CHRM3: variants seen among roughly 807,000 people sequenced by gnomAD.
CHRM3 encodes the protein muscarinic acetylcholine receptor M3.
In CHRM3, 11 loss-of-function variants were observed where a neutral mutation model predicts 41.8. That is an observed-to-expected ratio of 0.26 (90% CI 0.17 to 0.44). The LOEUF (loss-of-function observed/expected upper bound fraction) is 0.44. CHRM3 is among the 20% of genes least tolerant of loss of function. CHRM3 has a pLI of 1.00. For synonymous variants in CHRM3, 297 were observed against 301.4 expected, an observed-to-expected ratio of 0.99 and a Z score of 0.15; for missense variants, 571 against 745.4, an observed-to-expected ratio of 0.77 and a Z score of 2.72.
chr1:239,651,439 G>A (rs1188394043), intron 4 of CHRM3, among the ~76,000 whole-genome samples: 2 of 152,202 alleles, frequency 1.3e-5, no homozygotes, highest in Non-Finnish European at 2.9e-5. Flanking sequence ...AACAAGGAAG[G>A]CATGATTTAA....
intron 6 of CHRM3, among the ~76,000 whole-genome samples, chr1:239,848,548 T>C (rs1674458331): frequency 6.6e-6 from 1 of 152,146 alleles, no homozygotes; most frequent in Non-Finnish European, 1.5e-5. Flanking sequence ...CACTTTATCC[T>C]CATATTTTAT....
rs1680349162 is a variant in CHRM3 at position 239,911,228 on chromosome 1, T to C, written c.*2004T>C. 1 of 166,784 alleles carries C rather than the reference T, an allele frequency of 6.0e-6. No homozygotes were observed. Among genetic ancestry groups the C allele is most frequent in the Non-Finnish European group, 1.5e-5 (1 of 68,122 alleles). The allele number at this position is 166,784 out of a possible 1,614,324, so 10.3% of individuals were successfully genotyped here. A position where few individuals can be genotyped will look rare whatever the true frequency, so the allele number is the denominator to read the frequency against. ...ATGGGAACTGAACAAAGCTCCACCA[T>C]TGTGTCTGAAATCATTTTACACAGG... On this transcript the variant is annotated 3_prime_UTR_variant, in exon 7 of 7. Transcript: ENST00000676153.
At chr1:239,656,750 T>C (rs1304931196) in intron 4 of CHRM3, among the ~76,000 whole-genome samples, 1 of 152,186 alleles carries the variant, frequency 6.6e-6, no homozygotes, top group African/African-American at 2.4e-5. Context: ...ATATTACTTA[T>C]ACGAGTTAAC....
At chr1:239,429,270 A>G (rs1242836461) in intron 1 of CHRM3, among the ~76,000 whole-genome samples, 1 of 152,188 alleles carries the variant, frequency 6.6e-6, no homozygotes, top group Non-Finnish European at 1.5e-5. Context: ...CGCCTGTCAA[A>G]TGAATATAGT....
intron 2 of CHRM3, among the ~76,000 whole-genome samples, chr1:239,528,924 G>A (rs894148381): frequency 6.6e-6 from 1 of 152,126 alleles, no homozygotes; most frequent in Non-Finnish European, 1.5e-5. Context: ...AAGAATTTAG[G>A]ATAGAGACAG....
At chr1:239,842,729 C>A (rs1028693355) in intron 6 of CHRM3, among the ~76,000 whole-genome samples, 2 of 152,174 alleles carry the variant, frequency 1.3e-5, no homozygotes, top group Non-Finnish European at 2.9e-5. Context: ...CCAACATACA[C>A]ACACATGCAT....
At chr1:239,635,568 A>T (rs1263985061) in intron 4 of CHRM3, among the ~76,000 whole-genome samples, 3 of 152,216 alleles carry the variant, frequency 2.0e-5, no homozygotes, top group African/African-American at 7.2e-5. Flanking sequence ...ACTGTCCTGG[A>T]CACCCAGGTT....
intron 5 of CHRM3, among the ~76,000 whole-genome samples, chr1:239,707,988 C>A (rs1378444749): frequency 6.6e-6 from 1 of 152,208 alleles, no homozygotes; most frequent in African/African-American, 2.4e-5. Context: ...TGTTAAACAA[C>A]TACTGTGGAA....
chr1:239,861,438 G>A (rs2149272224), intron 6 of CHRM3, among the ~76,000 whole-genome samples: 1 of 152,168 alleles, frequency 6.6e-6, no homozygotes, highest in East Asian at 1.9e-4. Flanking sequence ...AGTACAAGCA[G>A]ACGATATGGT....
At position 239,621,946 on chromosome 1, in the gene CHRM3, G is replaced by T. The variant is rs149709271; in HGVS notation, c.-312-10278G>T. On this transcript the variant is annotated intron_variant, in intron 3 of 6. Coordinates refer to ENST00000676153, the MANE Select transcript of CHRM3 (RefSeq NM_001375978.1). The stretch of plus-strand genomic sequence containing the variant: ...AAGGCCTGGCTTTAAAGTTTCAAAG[G>T]ACAGGCTGACTTCCTTATTAGGAGC... Among the ~76,000 whole-genome samples the T allele has an allele frequency of 2.0e-5, 3 of 152,154 alleles. No homozygotes were observed. The East Asian group carries it at 5.8e-4, about 29-fold the overall frequency.
At chr1:239,899,276 AGT>A (rs71168861) in intron 6 of CHRM3, among the ~76,000 whole-genome samples, 1,904 of 134,592 alleles carry the variant, frequency 0.014, 35 homozygotes, top group African/African-American at 0.044. Context: ...TTTTGAACTC[AGT>A]GTGTGTGTGT....
At chr1:239,836,029 A>G (rs999998266) in intron 6 of CHRM3, among the ~76,000 whole-genome samples, 26 of 152,380 alleles carry the variant, frequency 1.7e-4, no homozygotes, top group African/African-American at 6.0e-4. Flanking sequence ...ATGTGTGTGC[A>G]GCACGGATGG....
chr1:239,466,543 T>C (rs1392598753), intron 1 of CHRM3, among the ~76,000 whole-genome samples: 1 of 151,950 alleles, frequency 6.6e-6, no homozygotes, highest in East Asian at 1.9e-4. Flanking sequence ...TGTGCAGGGG[T>C]TACCACCCCT....
chr1:239,669,443 GT>G (rs1472052325), intron 4 of CHRM3, among the ~76,000 whole-genome samples: 1 of 151,924 alleles, frequency 6.6e-6, no homozygotes, highest in Non-Finnish European at 1.5e-5. Context: ...TTACTGTTTT[GT>G]TTTCTTAATA....
intron 1 of CHRM3, among the ~76,000 whole-genome samples, chr1:239,444,462 C>G (rs1175895158): frequency 7.2e-5 from 11 of 151,944 alleles, no homozygotes; most frequent in African/African-American, 2.2e-4. Context: ...AAAGAGGAAG[C>G]AATTAATTTG....
rs1663446749 is a variant in CHRM3 at position 239,438,473 on chromosome 1, T to G, written c.-521+51246T>G. 5.9e-5 allele frequency among the ~76,000 whole-genome samples: 9 copies of G among 152,362 alleles called. No homozygotes were observed. In the South Asian group the frequency reaches 1.9e-3, roughly 32 times the overall value. On this transcript the variant is annotated intron_variant, in intron 1 of 6. Transcript: ENST00000676153. ...ATATGCCCACTGACATCTCTCTGCT[T>G]TATCTTGGTGTGCTGACCCTGGTGG... is the stretch of plus-strand genomic sequence containing the variant.
At chr1:239,543,608 C>T (rs1290749593) in intron 2 of CHRM3, among the ~76,000 whole-genome samples, 2 of 151,688 alleles carry the variant, frequency 1.3e-5, no homozygotes, top group Non-Finnish European at 2.9e-5. Context: ...CCCGGGTTCA[C>T]GCCATTCTCC....
chr1:239,393,949 T>A (rs933847205), intron 1 of CHRM3, among the ~76,000 whole-genome samples: 1 of 152,204 alleles, frequency 6.6e-6, no homozygotes, highest in African/African-American at 2.4e-5. Flanking sequence ...TCTCTTTATA[T>A]CTAATCCACC....
At chr1:239,713,607 T>A (rs1176347934) in intron 5 of CHRM3, among the ~76,000 whole-genome samples, 4 of 152,192 alleles carry the variant, frequency 2.6e-5, no homozygotes, top group Non-Finnish European at 5.9e-5. Context: ...AGCATCCCTC[T>A]ATGTTGGGCT....
Sources: allele counts gnomAD v4.1 joint callset (sites outside exome capture counted in the v4.1 genomes callset), GRCh38; gene constraint gnomAD v4.1.1; transcripts MANE v1.5; gene names NCBI Gene and HGNC (gene_info 2026-07-23, HGNC 2026-07-21).